PRKCE: variants seen among roughly 807,000 people sequenced by gnomAD.
The protein encoded by PRKCE is protein kinase C epsilon.
In PRKCE, 16 loss-of-function variants were observed where a neutral mutation model predicts 85.4. The ratio of observed to expected loss-of-function variants is 0.19; its 90% CI spans 0.13 to 0.28. PRKCE has a LOEUF of 0.28. PRKCE is among the 10% of genes least tolerant of loss of function. The pLI is 1.00. For synonymous variants in PRKCE, 388 were observed against 371.5 expected (o/e 1.04, Z -0.51); for missense variants, 573 against 975.2 (o/e 0.59, Z 5.49).
intron 1 of PRKCE, among the ~76,000 whole-genome samples, chr2:45,721,171 G>T (rs1680590057): frequency 6.6e-6 from 1 of 152,072 alleles, no homozygotes. Context: ...AATTGCCTGG[G>T]TTTCACAGGA....
intron 1 of PRKCE, among the ~76,000 whole-genome samples, chr2:45,668,636 TCA>T (rs1298806723): frequency 2.6e-5 from 4 of 152,058 alleles, no homozygotes; most frequent in Admixed American, 2.0e-4. Flanking sequence ...AGTACTACAT[TCA>T]CAGTTTGCTA....
In PRKCE at chr2:46,092,345, C is replaced by G. The variant is rs181840184; in HGVS notation, c.1592+5983C>G. Among the ~76,000 whole-genome samples the G allele has an allele frequency of 7.0e-3, 1,065 of 152,318 alleles. 14 individuals carry two copies. Among genetic ancestry groups the G allele is most frequent in the African/African-American group, 0.024 (1,011 of 41,564 alleles). On this transcript the variant is annotated intron_variant, in intron 11 of 14. Transcript: ENST00000306156. ...ACTCTTCCTCCTTAGATTCTCCAAG[C>G]CTTTTGATCTCTAATGAGCCCTTAT...
chr2:46,111,788 T>C (rs1672277329), intron 11 of PRKCE, among the ~76,000 whole-genome samples: 4 of 152,238 alleles, frequency 2.6e-5, no homozygotes, highest in Admixed American at 2.6e-4. Flanking sequence ...GTGCAAGTTT[T>C]TGAGAAGACT....
chr2:46,106,863 A>G (rs1671765464), intron 11 of PRKCE, among the ~76,000 whole-genome samples: 1 of 152,234 alleles, frequency 6.6e-6, no homozygotes. Context: ...AATCAGTCCT[A>G]TACCAAGTAT....
intron 2 of PRKCE, among the ~76,000 whole-genome samples, chr2:45,864,276 T>C (rs888043381): frequency 3.9e-5 from 6 of 152,164 alleles, no homozygotes; most frequent in Non-Finnish European, 7.3e-5. Context: ...TGGGAACGCA[T>C]TTTAAGGGAC....
At chr2:45,799,640 A>G (rs1348265203) in intron 1 of PRKCE, among the ~76,000 whole-genome samples, 1 of 152,260 alleles carries the variant, frequency 6.6e-6, no homozygotes, top group Non-Finnish European at 1.5e-5. Flanking sequence ...CAAATATTCA[A>G]AATTAAAAGG....
At chr2:46,051,457 C>A (rs1708854680) in intron 10 of PRKCE, among the ~76,000 whole-genome samples, 4 of 152,194 alleles carry the variant, frequency 2.6e-5, no homozygotes, top group African/African-American at 9.7e-5. Flanking sequence ...TGGCACATGG[C>A]ACAGCTGATC....
intron 2 of PRKCE, among the ~76,000 whole-genome samples, chr2:45,968,385 C>G (rs895960821): frequency 3.9e-5 from 6 of 152,020 alleles, no homozygotes; most frequent in Non-Finnish European, 7.4e-5. Context: ...AATTGAAAAC[C>G]AAAGACTGCA....
chr2:45,770,326 T>C (rs1445234788), intron 1 of PRKCE, among the ~76,000 whole-genome samples: 1 of 152,190 alleles, frequency 6.6e-6, no homozygotes, highest in African/African-American at 2.4e-5. Context: ...GAAACAACAC[T>C]GACTGTGGCT....
intron 1 of PRKCE, chr2:45,678,003 C>G (rs916135090): frequency 1.6e-6 from 1 of 626,906 alleles, no homozygotes; most frequent in African/African-American, 2.0e-5. Context: ...GCTGAGGAAC[C>G]TTTTAGAACC....
rs1203668309 is a variant in PRKCE at position 46,085,745 on chromosome 2, TTTTGTTTTTG to T, written c.1438-459_1438-450del. Among the ~76,000 whole-genome samples, 15 of 13,716 alleles carry T rather than the reference TTTTGTTTTTG, an allele frequency of 1.1e-3. 1 individual carries two copies. The highest frequency in any genetic ancestry group is 9.8e-3 in the East Asian group (1 of 102). The allele number at this position is 13,716 out of a possible 152,430, so 9.0% of individuals were successfully genotyped here. On this transcript the variant is annotated intron_variant, in intron 10 of 14. Transcript: ENST00000306156. ...TACATCTGCAAAATCCGTTTTTTTT[TTTTGTTTTTG>T]TTTTTTTTTTTTTTTTTAGCCATAT...
intron 1 of PRKCE, among the ~76,000 whole-genome samples, chr2:45,699,139 T>C (rs1678402161): frequency 6.6e-6 from 1 of 152,048 alleles, no homozygotes. Flanking sequence ...AGCTCTGCCT[T>C]GTGCCCCCAA....
chr2:46,072,071 C>G (rs576596523), intron 10 of PRKCE, among the ~76,000 whole-genome samples: 3 of 152,338 alleles, frequency 2.0e-5, no homozygotes, highest in South Asian at 2.1e-4. Context: ...ATAAGTTTAT[C>G]TCACCACACT....
At chr2:45,833,138 C>G (rs914342136) in intron 1 of PRKCE, among the ~76,000 whole-genome samples, 1 of 120,184 alleles carries the variant, frequency 8.3e-6, no homozygotes, top group East Asian at 2.5e-4. Context: ...GGCAACATGG[C>G]AAAAAAAAAA....
chr2:46,030,862 C>T (rs1220097750), intron 10 of PRKCE, among the ~76,000 whole-genome samples: 6 of 152,206 alleles, frequency 3.9e-5, no homozygotes, highest in Non-Finnish European at 8.8e-5. Flanking sequence ...TGGTCATCCA[C>T]GGAATATTTC....
chr2:45,724,967 G>A (rs964395934), intron 1 of PRKCE, among the ~76,000 whole-genome samples: 6 of 152,196 alleles, frequency 3.9e-5, no homozygotes, highest in African/African-American at 1.4e-4. Context: ...CGCTGATGAA[G>A]GTGGCTACAA....
chr2:46,033,272 CTCA>C (rs1333403229), intron 10 of PRKCE, among the ~76,000 whole-genome samples: 1 of 152,206 alleles, frequency 6.6e-6, no homozygotes, highest in African/African-American at 2.4e-5. Context: ...GTAGCCGTTG[CTCA>C]TCATCTTCCT....
chr2:46,149,634 A>G (rs1341604111), intron 12 of PRKCE, among the ~76,000 whole-genome samples: 1 of 150,902 alleles, frequency 6.6e-6, no homozygotes, highest in Non-Finnish European at 1.5e-5. Context: ...GTAAAATACA[A>G]AGCTCTATAC....
At chr2:46,130,998 C>T (rs752147252) in intron 11 of PRKCE, among the ~76,000 whole-genome samples, 7 of 152,202 alleles carry the variant, frequency 4.6e-5, no homozygotes, top group Non-Finnish European at 1.0e-4. Flanking sequence ...TTTTTGAGCA[C>T]CTGTCTTCCT....
Sources: allele counts gnomAD v4.1 joint callset (sites outside exome capture counted in the v4.1 genomes callset), GRCh38; gene constraint gnomAD v4.1.1; transcripts MANE v1.5; gene names NCBI Gene and HGNC (gene_info 2026-07-23, HGNC 2026-07-21).